PHLDB2: variants seen among roughly 807,000 people sequenced by gnomAD.
PHLDB2 encodes pleckstrin homology like domain family B member 2.
PHLDB2 carries 71 observed loss-of-function variants against 123.6 expected under a neutral mutation model. The observed-to-expected ratio is 0.57, with a 90% CI of 0.47 to 0.70. The LOEUF (loss-of-function observed/expected upper bound fraction) is 0.70. Among genes scored for constraint, PHLDB2 ranks in the 30% least tolerant of loss-of-function variants. The pLI, the probability that PHLDB2 is intolerant of heterozygous loss-of-function variation, is 0.00. For synonymous variants in PHLDB2, 547 were observed against 541.6 expected (o/e 1.01, Z -0.14); for missense variants, 1,446 against 1,519.5 (o/e 0.95, Z 0.80).
intron 1 of PHLDB2, among the ~76,000 whole-genome samples, chr3:111,881,356 A>G (rs929715631): frequency 1.8e-4 from 27 of 152,198 alleles, no homozygotes; most frequent in African/African-American, 6.3e-4. Context: ...TATGGGTCCC[A>G]TGGTGTTATT....
intron 1 of PHLDB2, among the ~76,000 whole-genome samples, chr3:111,751,616 G>A (rs185362635): frequency 2.5e-4 from 36 of 145,714 alleles, no homozygotes; most frequent in African/African-American, 8.1e-4. Context: ...GTCAATTGTG[G>A]ATTGGGTAAC....
At chr3:111,973,874 A>G (rs2072380353) in intron 17 of PHLDB2, 57 bp downstream of exon 17, 2 of 1,077,934 alleles carry the variant, frequency 1.9e-6, no homozygotes, top group African/African-American at 1.6e-5. Context: ...GAAGGGAAAA[A>G]TATTTTTGGA....
At chr3:111,894,672 C>CT (rs1197175213) in intron 2 of PHLDB2, among the ~76,000 whole-genome samples, 4 of 150,708 alleles carry the variant, frequency 2.7e-5, no homozygotes, top group Admixed American at 6.6e-5. Flanking sequence ...TGATGATGAG[C>CT]TTTTTTTTCG....
intron 1 of PHLDB2, among the ~76,000 whole-genome samples, chr3:111,745,519 T>C (rs554609455): frequency 2.0e-5 from 3 of 152,248 alleles, no homozygotes; most frequent in East Asian, 3.9e-4. Context: ...TCCCAGCACT[T>C]TGGGAGGCCA....
chr3:111,872,797 A>T (rs1170010804), intron 1 of PHLDB2, among the ~76,000 whole-genome samples: 1 of 152,216 alleles, frequency 6.6e-6, no homozygotes, highest in Non-Finnish European at 1.5e-5. Context: ...ACCCATCTGA[A>T]TTATTCTGTA....
At chr3:111,972,859 A>T (rs958150858) in intron 16 of PHLDB2, among the ~76,000 whole-genome samples, 1 of 152,182 alleles carries the variant, frequency 6.6e-6, no homozygotes, top group African/African-American at 2.4e-5. Flanking sequence ...ACGAGATCTT[A>T]TACAGTAAGT....
At chr3:111,741,926 C>T (rs2059611373) in intron 1 of PHLDB2, among the ~76,000 whole-genome samples, 1 of 152,006 alleles carries the variant, frequency 6.6e-6, no homozygotes. Context: ...AATTTTATAC[C>T]CCATTACCAA....
At chr3:111,964,107 A>T (rs943840769) in intron 13 of PHLDB2, among the ~76,000 whole-genome samples, 7 of 152,172 alleles carry the variant, frequency 4.6e-5, no homozygotes, top group African/African-American at 1.7e-4. Flanking sequence ...AGACAATGAC[A>T]TTAAATACTA....
At position 111,952,615 on chromosome 3, in the gene PHLDB2, G is replaced by C. The variant is rs1428708757; in HGVS notation, c.2675G>C (p.Gly892Ala). ...GAAAGGAAAAAACAGCATAAAGAAGGCCTCTATCTGAGTGATACTTTGCCT... is the reference window on the plus strand; with the variant it reads ...GAAAGGAAAAAACAGCATAAAGAAGCCCTCTATCTGAGTGATACTTTGCCT... ...LEERKKQHKE[G>A]LYLSDTLPRK... Residue 892 changes from glycine (G) to alanine (A), a missense_variant, in exon 11 of 18, where the codon GGC becomes GCC. By Grantham distance (60) the Gly-to-Ala change is moderately conservative. This residue lies in a region of PHLDB2 where 594 missense variants were observed against 646.0 expected (regional missense o/e 0.92). Transcript: ENST00000431670. The C allele has an allele frequency of 9.3e-6, 15 of 1,613,684 alleles. No individual in the cohort carries two copies. The highest frequency in any genetic ancestry group is 1.2e-5 in the Non-Finnish European group (14 of 1,179,820).
intron 2 of PHLDB2, 53 bp downstream of exon 2, chr3:111,885,465 A>G (rs1362557646): frequency 3.1e-6 from 5 of 1,608,640 alleles, no homozygotes; most frequent in East Asian, 2.2e-5. Flanking sequence ...ACCAGCATCT[A>G]CAGGGCAGCC....
chr3:111,951,740 T>G (rs1016479041), intron 10 of PHLDB2, among the ~76,000 whole-genome samples: 1 of 152,174 alleles, frequency 6.6e-6, no homozygotes, highest in Non-Finnish European at 1.5e-5. Context: ...TTTTTTGAGC[T>G]CATTTTTGTG....
intron 1 of PHLDB2, among the ~76,000 whole-genome samples, chr3:111,781,166 GA>G (rs1485677122): frequency 6.6e-6 from 1 of 151,960 alleles, no homozygotes; most frequent in East Asian, 1.9e-4. Context: ...TCATAATCAA[GA>G]AAAACTAAAT....
chr3:111,752,411 A>G (rs574702887), intron 1 of PHLDB2, among the ~76,000 whole-genome samples: 1 of 152,310 alleles, frequency 6.6e-6, no homozygotes, highest in African/African-American at 2.4e-5. Flanking sequence ...AAATAGAAAT[A>G]ATGTTTTCAC....
intron 1 of PHLDB2, among the ~76,000 whole-genome samples, chr3:111,830,573 G>T (rs2062903582): frequency 6.7e-6 from 1 of 149,488 alleles, no homozygotes; most frequent in South Asian, 2.1e-4. Flanking sequence ...ACTTTGGGAG[G>T]CCGAGGCGGG....
intron 1 of PHLDB2, among the ~76,000 whole-genome samples, chr3:111,813,897 C>A (rs1163672691): frequency 6.6e-6 from 1 of 152,166 alleles, no homozygotes; most frequent in African/African-American, 2.4e-5. Flanking sequence ...TCAAACAACC[C>A]AAGATATGTG....
At chr3:111,758,899 T>C (rs2059947600) in intron 1 of PHLDB2, among the ~76,000 whole-genome samples, 3 of 152,012 alleles carry the variant, frequency 2.0e-5, no homozygotes, top group Admixed American at 2.0e-4. Flanking sequence ...AGCTACTAGA[T>C]GCGGCACAGA....
At chr3:111,787,338 T>C (rs565413130) in intron 1 of PHLDB2, among the ~76,000 whole-genome samples, 1 of 152,386 alleles carries the variant, frequency 6.6e-6, no homozygotes, top group South Asian at 2.1e-4. Context: ...TATAGCATGC[T>C]ATTTAATCAG....
intron 1 of PHLDB2, among the ~76,000 whole-genome samples, chr3:111,759,093 A>G (rs1310845715): frequency 6.6e-6 from 1 of 151,768 alleles, no homozygotes; most frequent in Non-Finnish European, 1.5e-5. Flanking sequence ...GTAATTATAT[A>G]TGTGCATAAA....
At chr3:111,778,806 G>A (rs2060314226) in intron 1 of PHLDB2, among the ~76,000 whole-genome samples, 1 of 152,066 alleles carries the variant, frequency 6.6e-6, no homozygotes, top group South Asian at 2.1e-4. Context: ...CATGGCAAGT[G>A]TTGTGTGGAT....
Sources: allele counts gnomAD v4.1 joint callset (sites outside exome capture counted in the v4.1 genomes callset), GRCh38; gene constraint gnomAD v4.1.1; regional missense constraint gnomAD v4.1.1; transcripts MANE v1.5; gene names NCBI Gene and HGNC (gene_info 2026-07-23, HGNC 2026-07-21).